The following NALCN variants were observed in gnomAD, a reference collection of about 807,000 sequenced individuals.
NALCN encodes the protein sodium leak channel NALCN.
Under a neutral mutation model 225.3 loss-of-function variants are expected in NALCN, and 111 were observed. The ratio of observed to expected loss-of-function variants is 0.49; its 90% CI spans 0.42 to 0.58. The LOEUF is 0.58. Ranked by LOEUF, NALCN falls within the 20% of genes least tolerant of loss-of-function variation. The pLI is 0.00. For synonymous variants in NALCN, 764 were observed against 769.0 expected, an observed-to-expected ratio of 0.99 and a Z score of 0.11; for missense variants, 1,378 against 2,202.4, an observed-to-expected ratio of 0.63 and a Z score of 7.49.
At chr13:101,058,087 T>C in intron 42 of NALCN, 31 bp from the exon 43 acceptor site, 1 of 1,583,016 alleles carries the variant, frequency 6.3e-7, no homozygotes, top group Non-Finnish European at 8.6e-7. Context: ...ACAGTTACCG[T>C]CTTTTTAACC....
At chr13:101,342,342 G>A (rs1177889255) in intron 7 of NALCN, among the ~76,000 whole-genome samples, 2 of 152,242 alleles carry the variant, frequency 1.3e-5, no homozygotes, top group African/African-American at 2.4e-5. Flanking sequence ...AGTTATAGTG[G>A]CCATGAAAAC....
intron 3 of NALCN, among the ~76,000 whole-genome samples, chr13:101,394,729 T>TA (rs796889554): frequency 6.6e-6 from 1 of 152,166 alleles, no homozygotes; most frequent in East Asian, 1.9e-4. Flanking sequence ...CTTTTTTTTT[T>TA]ATCCTTTTGT....
intron 27 of NALCN, among the ~76,000 whole-genome samples, chr13:101,099,905 GTGTATATATTGCAAA>G (rs879596865): frequency 6.6e-6 from 1 of 152,158 alleles, no homozygotes; most frequent in African/African-American, 2.4e-5. Context: ...GCTGTATATA[GTGTATATATTGCAAA>G]TGTATATATT....
chr13:101,184,791 C>A (rs1007130079), intron 14 of NALCN, among the ~76,000 whole-genome samples: 3 of 152,198 alleles, frequency 2.0e-5, no homozygotes, highest in Non-Finnish European at 4.4e-5. Flanking sequence ...CCTGCAGCAA[C>A]ATATCCTATT....
chr13:101,114,233 T>C (rs2139658968), intron 18 of NALCN, among the ~76,000 whole-genome samples: 1 of 152,268 alleles, frequency 6.6e-6, no homozygotes, highest in South Asian at 2.1e-4. Flanking sequence ...CCATTTCCCA[T>C]ATGTAAAATG....
chr13:101,348,427 T>A (rs567473337), intron 6 of NALCN, among the ~76,000 whole-genome samples: 1 of 152,166 alleles, frequency 6.6e-6, no homozygotes. Context: ...TTGAAAGTTG[T>A]AGATTTCCTA....
chr13:101,172,620 C>A (rs183861545), intron 15 of NALCN, among the ~76,000 whole-genome samples: 94 of 152,224 alleles, frequency 6.2e-4, no homozygotes, highest in South Asian at 1.9e-3. Flanking sequence ...AGTACAGTGG[C>A]GCCATCTTGG....
chr13:101,228,492 T>C lies in NALCN; in HGVS notation c.1626+901A>G, dbSNP rs1236129483. Among the ~76,000 whole-genome samples, 9 of 152,102 alleles carry C rather than the reference T, an allele frequency of 5.9e-5. No homozygotes were observed. The East Asian group carries it at 1.7e-3, about 29-fold the overall frequency. On this transcript the variant is annotated intron_variant, in intron 13 of 43. Coordinates refer to ENST00000251127, the MANE Select transcript of NALCN (RefSeq NM_052867.4). The stretch of plus-strand genomic sequence containing the variant: ...GGGGGCGGTTTCCCCCCTGCTGCTC[T>C]TGTGGTAGTGAATAAGTCTCACGAG...
rs1555345080 is a variant in NALCN, at chr13:101,387,252, A to AT, written c.291+7930_291+7931insA. 4.3e-3 allele frequency among the ~76,000 whole-genome samples: 498 copies of AT among 116,768 alleles called. 28 individuals are homozygous for AT. The highest frequency in any genetic ancestry group is 0.011 in the African/African-American group (324 of 28,192). The allele number at this position is 116,768 out of a possible 152,430, so 76.6% of individuals were successfully genotyped here. A position where few individuals can be genotyped will look rare whatever the true frequency, so the allele number is the denominator to read the frequency against. On this transcript the variant is annotated intron_variant, in intron 3 of 43. Transcript: ENST00000251127. The stretch of plus-strand genomic sequence containing the variant: ...CAAAAAAAAAAAAAAAAAAAAAAAA[A>AT]AACAGGTTAGCATTTCGCAAATCAC...
intron 15 of NALCN, among the ~76,000 whole-genome samples, chr13:101,168,771 G>C (rs1181977046): frequency 1.3e-5 from 2 of 152,164 alleles, no homozygotes; most frequent in African/African-American, 2.4e-5. Flanking sequence ...TGCTGCTCAA[G>C]CATTTCCTGT....
intron 15 of NALCN, among the ~76,000 whole-genome samples, chr13:101,167,840 AAAAAAC>A (rs1404364683): frequency 1.5e-5 from 2 of 131,862 alleles, no homozygotes; most frequent in South Asian, 2.5e-4. Flanking sequence ...CTCTGTCAAA[AAAAAAC>A]AAAAACAAAA....
At chr13:101,412,033 T>C (rs959616473) in intron 1 of NALCN, among the ~76,000 whole-genome samples, 9 of 152,238 alleles carry the variant, frequency 5.9e-5, no homozygotes. Context: ...TCTGAAGCAT[T>C]TGATCACAAT....
chr13:101,234,040 C>T (rs2041458014), intron 12 of NALCN, among the ~76,000 whole-genome samples: 1 of 152,158 alleles, frequency 6.6e-6, no homozygotes, highest in African/African-American at 2.4e-5. Context: ...TGCTCCTTCA[C>T]TTCATTCAGT....
At chr13:101,384,472 G>C (rs961418521) in intron 3 of NALCN, among the ~76,000 whole-genome samples, 6 of 151,916 alleles carry the variant, frequency 3.9e-5, no homozygotes, top group African/African-American at 1.5e-4. Context: ...ACATTTATAG[G>C]GATATATTTT....
chr13:101,352,091 T>C (rs1329203608), intron 6 of NALCN, among the ~76,000 whole-genome samples: 1 of 152,178 alleles, frequency 6.6e-6, no homozygotes, highest in Non-Finnish European at 1.5e-5. Context: ...AATAATTATT[T>C]TTGACAAGCC....
At chr13:101,134,169 C>CA (rs1225768353) in intron 17 of NALCN, among the ~76,000 whole-genome samples, 3 of 150,132 alleles carry the variant, frequency 2.0e-5, no homozygotes, top group Non-Finnish European at 3.0e-5. Context: ...GACTCTGTCT[C>CA]AAAAAAACAA....
intron 3 of NALCN, 84 bp from the exon 4 acceptor site, chr13:101,378,737 T>C (rs2046764114): frequency 5.1e-6 from 6 of 1,177,278 alleles, no homozygotes; most frequent in Non-Finnish European, 7.4e-6. Flanking sequence ...AAATATTATT[T>C]CAATAAAAGC....
rs1330352238 is a variant in NALCN at position 101,104,224 on chromosome 13, T to C, written c.2889+71A>G. The C allele has an allele frequency of 6.5e-7, 1 of 1,534,884 alleles. No individual in the cohort carries two copies. Among genetic ancestry groups the C allele is most frequent in the Non-Finnish European group, 8.7e-7 (1 of 1,143,828 alleles). ...CCTCTGTAACTCATACCTCTTGCGCTTATACCAAGAAATGCAGGAGATTTT... is the reference window on the plus strand; with the variant it reads ...CCTCTGTAACTCATACCTCTTGCGCCTATACCAAGAAATGCAGGAGATTTT... On this transcript the variant is annotated intron_variant, in intron 25 of 43. Coordinates refer to ENST00000251127, the MANE Select transcript of NALCN (RefSeq NM_052867.4). This position sits in a 1 kb window ranked among gnomAD's most constrained non-coding sequence, Gnocchi z 4.2.
At chr13:101,160,112 G>A (rs974112102) in intron 15 of NALCN, among the ~76,000 whole-genome samples, 1 of 151,928 alleles carries the variant, frequency 6.6e-6, no homozygotes, top group East Asian at 1.9e-4. Flanking sequence ...ACACCACCAT[G>A]CCTGACTAAT....
Sources: gnomAD v4.1 joint callset for allele counts (sites outside exome capture counted in the v4.1 genomes callset) on GRCh38, gnomAD v4.1.1 for gene constraint, Gnocchi (gnomAD v3.1) non-coding constraint, MANE v1.5 for transcripts, NCBI Gene and HGNC (gene_info 2026-07-23, HGNC 2026-07-21) for gene names.